The following CCL17 variants were observed in gnomAD, a reference collection of about 807,000 sequenced individuals.
The protein encoded by CCL17 is C-C motif chemokine 17.
A neutral mutation model predicts 7.4 loss-of-function variants in CCL17; 8 were observed. The ratio of observed to expected loss-of-function variants is 1.09; its 90% confidence interval spans 0.64 to 1.96. The LOEUF (loss-of-function observed/expected upper bound fraction) is 1.96. Among genes scored for constraint, CCL17 ranks in the 30% most tolerant of loss-of-function variants. The pLI, the probability that CCL17 is intolerant of heterozygous loss-of-function variation, is 0.00. For synonymous variants in CCL17, 40 were observed against 46.1 expected (o/e 0.87, Z 0.54); for missense variants, 102 against 113.0 (o/e 0.90, Z 0.44).
At chr16:57,406,825 C>T (rs1902703242) in intron 1 of CCL17, among the ~76,000 whole-genome samples, 1 of 152,156 alleles carries the variant, frequency 6.6e-6, no homozygotes, top group Non-Finnish European at 1.5e-5. Flanking sequence ...CTGTTAGTCA[C>T]ACAACCAGGA....
chr16:57,404,209 C>A (rs886481817), upstream of CCL17, among the ~76,000 whole-genome samples: 5 of 152,070 alleles, frequency 3.3e-5, no homozygotes. Flanking sequence ...TTGTCCTCTG[C>A]GTGAGGTGGA....
chr16:57,400,585 T>G (rs1377679197), upstream of CCL17, among the ~76,000 whole-genome samples: 1 of 152,196 alleles, frequency 6.6e-6, no homozygotes, highest in African/African-American at 2.4e-5. Context: ...ATTTCCATGT[T>G]TGTCCAAAGA....
intron 2 of CCL17, among the ~76,000 whole-genome samples, 160 bp from the exon 3 acceptor site, chr16:57,414,921 C>A (rs1902844308): frequency 6.6e-6 from 1 of 152,032 alleles, no homozygotes; most frequent in African/African-American, 2.4e-5. Context: ...AACACACAGA[C>A]ACACACACAT....
chr16:57,412,605 T>C (rs1902802703), intron 1 of CCL17, among the ~76,000 whole-genome samples: 2 of 152,110 alleles, frequency 1.3e-5, no homozygotes, highest in Non-Finnish European at 2.9e-5. Context: ...ACCTGCGCCA[T>C]GTTTTGGAGG....
the CCL17 span, among the ~76,000 whole-genome samples, chr16:57,396,436 G>A: frequency 1.3e-5 from 2 of 152,146 alleles, no homozygotes; most frequent in Admixed American, 6.6e-5. Context: ...TCCAGTGAGC[G>A]GCTGGAAAGG....
At chr16:57,405,085 T>C (rs1414243556) in intron 1 of CCL17, among the ~76,000 whole-genome samples, 1 of 152,148 alleles carries the variant, frequency 6.6e-6, no homozygotes, top group Non-Finnish European at 1.5e-5. Context: ...AGGGGCTAGA[T>C]GGAAGGTACA....
chr16:57,404,254 T>C (rs979182165), upstream of CCL17, among the ~76,000 whole-genome samples: 5 of 152,144 alleles, frequency 3.3e-5, no homozygotes, highest in Non-Finnish European at 5.9e-5. Context: ...GGGAGATTCA[T>C]GGTCCCTCTG....
At chr16:57,409,105 T>C (rs1224551248) in intron 1 of CCL17, among the ~76,000 whole-genome samples, 1 of 152,250 alleles carries the variant, frequency 6.6e-6, no homozygotes, top group Non-Finnish European at 1.5e-5. Flanking sequence ...TACAGTCTTT[T>C]GTGTGAGTCC....
At chr16:57,413,298 C>T (rs1310356908) in intron 1 of CCL17, among the ~76,000 whole-genome samples, 1 of 152,180 alleles carries the variant, frequency 6.6e-6, no homozygotes, top group Admixed American at 6.5e-5. Context: ...CTCAGCCTCT[C>T]GGAGGCAGAT....
chr16:57,412,715 C>A lies in CCL17; in HGVS notation c.-59-1159C>A, dbSNP rs144441294. ...CAATCAGAGTCCAGGTGCTGCCCTG[C>A]CTGGAGCTGCCCTTCCCTGGTGCTG... On this transcript the variant is annotated intron_variant, in intron 1 of 3. Transcript: ENST00000219244. Among the ~76,000 whole-genome samples the A allele has an allele frequency of 1.2e-3, 184 of 152,186 alleles. 1 individual carries two copies. Among genetic ancestry groups the A allele is most frequent in the African/African-American group, 4.2e-3 (176 of 41,518 alleles).
intron 1 of CCL17, among the ~76,000 whole-genome samples, chr16:57,412,095 C>T (rs223827): frequency 0.51 from 77,349 of 152,024 alleles, 20,723 homozygotes; most frequent in Non-Finnish European, 0.61. Context: ...GTGCGAGGCC[C>T]ACCAAGGGGG....
rs1902822627 is a variant in CCL17, at chr16:57,413,827, C to A, written c.-59-47C>A. On this transcript the variant is annotated intron_variant, in intron 1 of 3. Coordinates refer to ENST00000219244, the MANE Select transcript of CCL17 (RefSeq NM_002987.3). The stretch of plus-strand genomic sequence containing the variant: ...GAGGTGACAGAGGGGCGGGGCAAGA[C>A]CCCCAAAGAGGTTAAATAGGTCACT... The A allele has an allele frequency of 4.5e-6, 4 of 881,988 alleles. No individual in the cohort carries two copies. The South Asian group carries it at 5.4e-5, about 12-fold the overall frequency. The allele number at this position is 881,988 out of a possible 1,614,324, so 54.6% of individuals were successfully genotyped here. A position where few individuals can be genotyped will look rare whatever the true frequency, so the allele number is the denominator to read the frequency against.
At chr16:57,402,103 C>T (rs924638061), upstream of CCL17, among the ~76,000 whole-genome samples, 24 of 152,246 alleles carry the variant, frequency 1.6e-4, no homozygotes, top group African/African-American at 5.8e-4. Context: ...GCTCAGAGGG[C>T]AGCTGAGGTG....
chr16:57,410,982 G>A (rs984218399), intron 1 of CCL17, among the ~76,000 whole-genome samples: 6 of 152,160 alleles, frequency 3.9e-5, no homozygotes, highest in Non-Finnish European at 5.9e-5. Context: ...GCCCCATGCC[G>A]GGGTTTCATG....
chr16:57,414,106 C>T, intron 2 of CCL17, 104 bp downstream of exon 2: 1 of 749,322 alleles, frequency 1.3e-6, no homozygotes, highest in South Asian at 2.1e-5. Context: ...TATTTACACC[C>T]CACCTACTCC....
intron 2 of CCL17, 36 bp downstream of exon 2, chr16:57,414,038 C>A: frequency 1.3e-6 from 2 of 1,578,976 alleles, no homozygotes; most frequent in East Asian, 2.3e-5. Flanking sequence ...GGGCAGGCAC[C>A]GGGAGGACAG....
In CCL17 at chr16:57,413,818, G is replaced by A. The variant is rs540427221; in HGVS notation, c.-59-56G>A. The A allele has an allele frequency of 9.3e-5, 70 of 753,986 alleles. No homozygotes were observed. In the South Asian group the frequency reaches 1.0e-3, roughly 11 times the overall value. The allele number at this position is 753,986 out of a possible 1,614,324, so 46.7% of individuals were successfully genotyped here. ...GGATGTGAGGAGGTGACAGAGGGGC[G>A]GGGCAAGACCCCCAAAGAGGTTAAA... On this transcript the variant is annotated intron_variant, in intron 1 of 3. Transcript: ENST00000219244.
In CCL17 at chr16:57,414,007, G is replaced by A; in HGVS notation, c.70+5G>A. On this transcript the variant is annotated splice_donor_5th_base_variant and intron_variant, in intron 2 of 3. Coordinates refer to ENST00000219244, the MANE Select transcript of CCL17 (RefSeq NM_002987.3). ...CTCTGCAGCACATCCACGCAGGTGA[G>A]AGCAGGGGACAGGTGGCCAGGGGCA... is the stretch of plus-strand genomic sequence containing the variant. The A allele has an allele frequency of 1.2e-6, 2 of 1,610,288 alleles. No individual in the cohort carries two copies. The highest frequency in any genetic ancestry group is 1.7e-6 in the Non-Finnish European group (2 of 1,178,310).
At chr16:57,403,056 G>A (rs1188711010), upstream of CCL17, among the ~76,000 whole-genome samples, 2 of 129,620 alleles carry the variant, frequency 1.5e-5, no homozygotes, top group African/African-American at 5.9e-5. Context: ...GGAAGAGATG[G>A]GGATGGCATG....
Sources: allele counts gnomAD v4.1 joint callset (sites outside exome capture counted in the v4.1 genomes callset), GRCh38; gene constraint gnomAD v4.1.1; transcripts MANE v1.5; gene names NCBI Gene and HGNC (gene_info 2026-07-23, HGNC 2026-07-21).